PCDHGA5: variants seen among roughly 807,000 people sequenced by gnomAD.
The protein encoded by PCDHGA5 is protocadherin gamma-A5.
In PCDHGA5, 36 loss-of-function variants were observed where a neutral mutation model predicts 56.7. The ratio of observed to expected loss-of-function variants is 0.64; its 90% confidence interval spans 0.49 to 0.84. The LOEUF (loss-of-function observed/expected upper bound fraction) is 0.84. PCDHGA5 is among the 40% of genes least tolerant of loss of function. The pLI is 0.00. For synonymous variants in PCDHGA5, 563 were observed against 520.2 expected (o/e 1.08, Z -1.12); for missense variants, 1,305 against 1,201.5 (o/e 1.09, Z -1.27).
At chr5:141,438,282 T>C (rs915347472) in intron 1 of PCDHGA5, among the ~76,000 whole-genome samples, 1 of 151,630 alleles carries the variant, frequency 6.6e-6, no homozygotes, top group African/African-American at 2.4e-5. Context: ...CAAAATAATT[T>C]AATCTGTATG....
chr5:141,395,538 TTGTTTGTGTG>T, intron 1 of PCDHGA5: 1 of 225,786 alleles, frequency 4.4e-6, no homozygotes, highest in Non-Finnish European at 7.1e-6. Context: ...AATTTTGCTA[TTGTTTGTGTG>T]TGTGTGTGTG....
At chr5:141,419,567 G>A in intron 1 of PCDHGA5, 1 of 1,611,758 alleles carries the variant, frequency 6.2e-7, no homozygotes, top group Non-Finnish European at 8.5e-7. Context: ...GCTGGGTCCC[G>A]ACGGCTCCGC....
chr5:141,422,166 T>G (rs370704205), intron 1 of PCDHGA5: 30 of 1,569,256 alleles, frequency 1.9e-5, no homozygotes, highest in Non-Finnish European at 2.5e-5. Flanking sequence ...TTGAAAAATA[T>G]AGATTCTATG....
At position 141,366,122 on chromosome 5, in the gene PCDHGA5, T is replaced by G; in HGVS notation, c.1792T>G (p.Ser598Ala). 1 of 1,614,210 alleles carries G rather than the reference T, an allele frequency of 6.2e-7. No homozygotes were observed. The change falls in exon 1 of 4, where the codon TCA (serine) becomes GCA (alanine). Residue 598 changes from serine to alanine, a missense_variant. By Grantham distance (99) the Ser-to-Ala change is moderately conservative (BLOSUM62 1). Transcript: ENST00000518069. ...CAAGGTGGTAGCGGTGGACAAAGATTCAGGCCAGAACGCCTGGCTGTCCTA... is the reference window on the plus strand; with the variant it reads ...CAAGGTGGTAGCGGTGGACAAAGATGCAGGCCAGAACGCCTGGCTGTCCTA... The part of the protein sequence containing the change: ...VTKVVAVDKD[S>A]GQNAWLSYRL...
At chr5:141,509,670 T>G (rs2099877782) in intron 3 of PCDHGA5, among the ~76,000 whole-genome samples, 1 of 152,136 alleles carries the variant, frequency 6.6e-6, no homozygotes, top group African/African-American at 2.4e-5. Flanking sequence ...TGGGCCCCAG[T>G]TTCTTCTTCT....
At chr5:141,414,704 C>A (rs778708386) in intron 1 of PCDHGA5, 8 of 1,614,036 alleles carry the variant, frequency 5.0e-6, no homozygotes, top group Non-Finnish European at 5.9e-6. Flanking sequence ...TCATACATAT[C>A]CATCAACTCA....
At chr5:141,403,306 A>C in intron 1 of PCDHGA5, 1 of 1,613,908 alleles carries the variant, frequency 6.2e-7, no homozygotes, top group Non-Finnish European at 8.5e-7. Context: ...AACTGTACGG[A>C]ATAGAAATAG....
At chr5:141,404,315 G>T (rs775576610) in intron 1 of PCDHGA5, 2 of 1,613,886 alleles carry the variant, frequency 1.2e-6, no homozygotes, top group African/African-American at 2.7e-5. Context: ...TTTCTCTCAA[G>T]CCTCCTACTC....
chr5:141,387,851 C>T, intron 1 of PCDHGA5: 5 of 1,596,536 alleles, frequency 3.1e-6, no homozygotes, highest in Non-Finnish European at 4.3e-6. Flanking sequence ...CCGGCGTCTC[C>T]AGGCTGGTGA....
intron 1 of PCDHGA5, chr5:141,394,509 G>A (rs367855808): frequency 6.2e-7 from 1 of 1,614,146 alleles, no homozygotes; most frequent in Non-Finnish European, 8.5e-7. Context: ...CCTGTACCCC[G>A]CCCTCCCCAC....
intron 1 of PCDHGA5, chr5:141,409,349 A>G: frequency 6.2e-7 from 1 of 1,614,030 alleles, no homozygotes. Context: ...TGGAGAAGTC[A>G]GGTGTAATAT....
chr5:141,463,438 C>CTTTTTTTT (rs71576115), intron 1 of PCDHGA5, among the ~76,000 whole-genome samples: 3 of 103,252 alleles, frequency 2.9e-5, no homozygotes, highest in African/African-American at 8.9e-5. Context: ...TTTCCTTCTC[C>CTTTTTTTT]TTTTTTTTTT....
intron 1 of PCDHGA5, chr5:141,430,641 T>G: frequency 1.1e-6 from 1 of 902,670 alleles, no homozygotes. Context: ...TCCCTGGGAG[T>G]ATGTGGAAAC....
chr5:141,465,995 A>C lies in PCDHGA5; in HGVS notation c.2422-28812A>C, dbSNP rs551920109. On this transcript the variant is annotated intron_variant, in intron 1 of 3. Coordinates refer to ENST00000518069, the MANE Select transcript of PCDHGA5 (RefSeq NM_018918.3). ...AAATTAGCCGGGCATGGTGGCAGGC[A>C]CCTGTAGTCCCAGCTACTCGGGAGG... Among the ~76,000 whole-genome samples the C allele has an allele frequency of 1.3e-4, 20 of 151,982 alleles. No homozygotes were observed. In the South Asian group the frequency reaches 4.2e-3, roughly 32 times the overall value.
intron 1 of PCDHGA5, chr5:141,407,873 A>G (rs561323423): frequency 2.0e-5 from 7 of 354,686 alleles, no homozygotes; most frequent in African/African-American, 1.3e-4. Context: ...CGAAGAATAT[A>G]TACATTTCGG....
At chr5:141,430,883 G>T in intron 1 of PCDHGA5, 1 of 1,601,036 alleles carries the variant, frequency 6.2e-7, no homozygotes, top group Non-Finnish European at 8.5e-7. Context: ...GCTGGAGAAA[G>T]GCTCTAGGGT....
chr5:141,427,907 C>T, intron 1 of PCDHGA5: 1 of 1,575,688 alleles, frequency 6.3e-7, no homozygotes, highest in Non-Finnish European at 8.7e-7. Flanking sequence ...CCGCGCTCAG[C>T]GCCAACATGA....
rs2095763034 is a variant in PCDHGA5, at chr5:141,414,586, A to G, written c.2421+47835A>G. 1.2e-6 allele frequency: 2 copies of G among 1,613,964 alleles called. No individual in the cohort carries two copies. The highest frequency in any genetic ancestry group is 8.5e-7 in the Non-Finnish European group (1 of 1,179,880). On this transcript the variant is annotated intron_variant, in intron 1 of 3. Transcript: ENST00000518069. ...TACCTATATCCCAGAGAACAACGCC[A>G]GGGGTGCCTCCATCTTCTCAGTGAC...
chr5:141,417,659 A>G, intron 1 of PCDHGA5: 1 of 869,514 alleles, frequency 1.2e-6, no homozygotes, highest in Non-Finnish European at 1.7e-6. Context: ...CTAGCCTGGG[A>G]TTCCCTGCGC....
Sources: allele counts gnomAD v4.1 joint callset (sites outside exome capture counted in the v4.1 genomes callset), GRCh38; gene constraint gnomAD v4.1.1; transcripts MANE v1.5; gene names NCBI Gene and HGNC (gene_info 2026-07-23, HGNC 2026-07-21).